The following EFR3B variants were observed in gnomAD, a reference collection of about 807,000 sequenced individuals.
EFR3B encodes the protein protein EFR3 homolog B.
A neutral mutation model predicts 104.7 loss-of-function variants in EFR3B; 64 were observed. That is an observed-to-expected ratio of 0.61 (90% confidence interval 0.50 to 0.75). The LOEUF (loss-of-function observed/expected upper bound fraction) is 0.75, where lower values mean the gene tolerates loss of function less well. EFR3B is among the 30% of genes least tolerant of loss of function. The pLI is 0.00. For synonymous variants in EFR3B, 385 were observed against 417.9 expected (o/e 0.92, Z 0.96); for missense variants, 750 against 1,078.5 (o/e 0.70, Z 4.27).
intron 1 of EFR3B, among the ~76,000 whole-genome samples, chr2:25,078,473 C>A (rs543131827): frequency 6.6e-6 from 1 of 152,000 alleles, no homozygotes; most frequent in African/African-American, 2.4e-5. Context: ...TTGGTGAATG[C>A]GGAGGAGGGA....
intron 1 of EFR3B, among the ~76,000 whole-genome samples, chr2:25,053,774 G>A (rs1467133159): frequency 2.0e-5 from 3 of 152,198 alleles, no homozygotes; most frequent in Admixed American, 2.0e-4. Flanking sequence ...GGGCATGGTG[G>A]CATGTGCCTG....
intron 1 of EFR3B, among the ~76,000 whole-genome samples, chr2:25,048,422 T>C (rs1461949455): frequency 6.6e-6 from 1 of 152,220 alleles, no homozygotes; most frequent in African/African-American, 2.4e-5. Context: ...TACATAACGG[T>C]GCACTGAAAG....
chr2:25,042,348 G>T lies in EFR3B; in HGVS notation c.7+29G>T. ...AGGAGGGCTCCGCGCCCGGGCCCGG[G>T]CCCGCGGGGGCGACTCCGCAAACTT... On this transcript the variant is annotated intron_variant, in intron 1 of 22. Transcript: ENST00000403714. The surrounding 1 kb of genome is among the most constrained non-coding windows in gnomAD (Gnocchi z 5.4). 2 of 1,257,284 alleles carry T rather than the reference G, an allele frequency of 1.6e-6. No homozygotes were observed. The highest frequency in any genetic ancestry group is 2.8e-5 in the South Asian group (1 of 36,018). 77.9% of individuals were successfully genotyped at this position (1,257,284 alleles called of 1,614,324 possible).
At chr2:25,152,317 A>G (rs2149215293) in intron 21 of EFR3B, among the ~76,000 whole-genome samples, 1 of 152,318 alleles carries the variant, frequency 6.6e-6, no homozygotes, top group East Asian at 1.9e-4. Context: ...TCCTGAGCTG[A>G]GGCACCTGTC....
intron 1 of EFR3B, among the ~76,000 whole-genome samples, chr2:25,044,584 C>T (rs1297890804): frequency 6.6e-6 from 1 of 152,080 alleles, no homozygotes; most frequent in Non-Finnish European, 1.5e-5. Context: ...CGCTTCTCCC[C>T]CTCCCACCTC....
chr2:25,110,092 C>A (rs967817080), intron 4 of EFR3B, among the ~76,000 whole-genome samples: 6 of 152,206 alleles, frequency 3.9e-5, no homozygotes, highest in African/African-American at 1.2e-4. Context: ...TGTTCCCCCC[C>A]ATCTTGCTTC....
At chr2:25,089,670 A>G (rs1350736084) in intron 1 of EFR3B, among the ~76,000 whole-genome samples, 1 of 152,076 alleles carries the variant, frequency 6.6e-6, no homozygotes, top group Non-Finnish European at 1.5e-5. Flanking sequence ...TCCCATCACA[A>G]GAAATAACCC....
intron 1 of EFR3B, chr2:25,080,809 C>T (rs1668782941): frequency 9.9e-7 from 1 of 1,010,094 alleles, no homozygotes; most frequent in Non-Finnish European, 1.6e-6. Flanking sequence ...CACAGCACAG[C>T]TCCATCTGAA....
chr2:25,095,566 T>G (rs1417806341), intron 3 of EFR3B, among the ~76,000 whole-genome samples: 3 of 152,004 alleles, frequency 2.0e-5, no homozygotes, highest in African/African-American at 7.2e-5. Context: ...TGTGGGGGCA[T>G]GCACCTATAG....
intron 1 of EFR3B, among the ~76,000 whole-genome samples, chr2:25,071,851 C>A (rs891911828): frequency 1.3e-5 from 2 of 152,192 alleles, no homozygotes; most frequent in African/African-American, 4.8e-5. Context: ...GTGTCCTGTG[C>A]CTGTGATTAG....
intron 21 of EFR3B, 46 bp downstream of exon 21, chr2:25,152,066 A>G: frequency 6.5e-7 from 1 of 1,536,646 alleles, no homozygotes; most frequent in Non-Finnish European, 8.8e-7. Flanking sequence ...CCAAGTCAAG[A>G]CTGAATTTGG....
intron 4 of EFR3B, among the ~76,000 whole-genome samples, chr2:25,113,648 A>G (rs935617040): frequency 9.9e-5 from 15 of 150,828 alleles, no homozygotes; most frequent in Non-Finnish European, 5.9e-5. Flanking sequence ...AGCCTGGACA[A>G]CAGAGTGAGA....
intron 5 of EFR3B, among the ~76,000 whole-genome samples, chr2:25,125,749 C>G (rs11683036): frequency 1.3e-5 from 2 of 152,080 alleles, no homozygotes; most frequent in Non-Finnish European, 2.9e-5. Context: ...CAGATCGAGA[C>G]CATCCTGGCT....
intron 4 of EFR3B, among the ~76,000 whole-genome samples, chr2:25,106,679 G>A (rs1219995805): frequency 6.6e-6 from 1 of 152,208 alleles, no homozygotes; most frequent in African/African-American, 2.4e-5. Flanking sequence ...CTGATGTCAA[G>A]TGATCCGCCT....
At chr2:25,063,220 G>C (rs1023491853) in intron 1 of EFR3B, among the ~76,000 whole-genome samples, 2 of 152,152 alleles carry the variant, frequency 1.3e-5, no homozygotes, top group African/African-American at 4.8e-5. Flanking sequence ...GATTACAGGC[G>C]TGAGCCACTG....
chr2:25,084,506 T>A (rs2149181246), intron 1 of EFR3B, among the ~76,000 whole-genome samples: 1 of 152,296 alleles, frequency 6.6e-6, no homozygotes, highest in Middle Eastern at 3.4e-3. Context: ...CCCAAAGTGT[T>A]GGGATTACAG....
At chr2:25,077,356 C>T (rs1366299522) in intron 1 of EFR3B, among the ~76,000 whole-genome samples, 1 of 152,112 alleles carries the variant, frequency 6.6e-6, no homozygotes, top group East Asian at 1.9e-4. Flanking sequence ...GGCACGATCT[C>T]AGCTCATTGC....
rs750056550 is a variant in EFR3B at position 25,103,831 on chromosome 2, TG to T, written c.363+50del. 1.2e-5 allele frequency: 18 copies of T among 1,546,980 alleles called. No individual in the cohort carries two copies. The African/African-American group carries it at 1.6e-4, about 14-fold the overall frequency. On this transcript the variant is annotated intron_variant, in intron 4 of 22. Coordinates refer to ENST00000403714, the MANE Select transcript of EFR3B (RefSeq NM_014971.2). ...GGCTCCAGGTCTCCCAGCCGCATCCTGGGGGGTGGCAGGGGAGAGGGAGACC... is the reference window on the plus strand; with the variant it reads ...GGCTCCAGGTCTCCCAGCCGCATCCTGGGGGTGGCAGGGGAGAGGGAGACC...
intron 4 of EFR3B, among the ~76,000 whole-genome samples, chr2:25,110,664 A>AG (rs1669699847): frequency 6.6e-6 from 1 of 152,210 alleles, no homozygotes; most frequent in Non-Finnish European, 1.5e-5. Flanking sequence ...CTTGCAGTGT[A>AG]GAAATAAATT....
Sources: gnomAD v4.1 joint callset for allele counts (sites outside exome capture counted in the v4.1 genomes callset) on GRCh38, gnomAD v4.1.1 for gene constraint, Gnocchi (gnomAD v3.1) non-coding constraint, MANE v1.5 for transcripts, NCBI Gene and HGNC (gene_info 2026-07-23, HGNC 2026-07-21) for gene names.